TEKTL1: variants seen among roughly 807,000 people sequenced by gnomAD.
TEKTL1 encodes tektin-like protein 1.
At chr19:15,020,535 G>A in the TEKTL1 span, 12 of 1,613,982 alleles carry the variant, frequency 7.4e-6, no homozygotes, top group Non-Finnish European at 1.0e-5. Context: ...TCATGAACCA[G>A]CCTCTGGACA....
the TEKTL1 span, chr19:15,020,739 C>T: frequency 8.1e-7 from 1 of 1,232,874 alleles, no homozygotes; most frequent in South Asian, 1.4e-5. Context: ...GCCCACTTAG[C>T]TGTCCCTTTC....
the TEKTL1 span, chr19:15,011,171 A>G: frequency 5.3e-6 from 8 of 1,500,528 alleles, no homozygotes; most frequent in South Asian, 9.2e-5. Flanking sequence ...CTTGCACCGC[A>G]AAGCGCGCGC....
At chr19:15,018,864 G>A in the TEKTL1 span, among the ~76,000 whole-genome samples, 3 of 150,762 alleles carry the variant, frequency 2.0e-5, no homozygotes, top group Non-Finnish European at 3.0e-5. Context: ...TAAAAGCCAC[G>A]TTTGCAGGAA....
chr19:15,022,801 C>T, the TEKTL1 span: 13 of 1,459,436 alleles, frequency 8.9e-6, no homozygotes, highest in African/African-American at 2.8e-5. Flanking sequence ...ACACACCTGG[C>T]GCAGGTGTGC....
chr19:15,018,360 A>G, the TEKTL1 span, among the ~76,000 whole-genome samples: 1 of 152,082 alleles, frequency 6.6e-6, no homozygotes, highest in African/African-American at 2.4e-5. Flanking sequence ...TTACCTGATT[A>G]TTATGCACAG....
the TEKTL1 span, chr19:15,010,731 A>C: frequency 4.5e-4 from 607 of 1,352,232 alleles, 3 homozygotes; most frequent in African/African-American, 8.2e-3. Context: ...CTCTCAGTAC[A>C]CTGTCTCTAC....
At chr19:15,021,537 G>C in the TEKTL1 span, 1 of 1,613,450 alleles carries the variant, frequency 6.2e-7, no homozygotes, top group Admixed American at 1.7e-5. Context: ...CATTACCTGC[G>C]GCTGCGGGCC....
the TEKTL1 span, among the ~76,000 whole-genome samples, chr19:15,015,689 C>A: frequency 2.0e-5 from 3 of 151,312 alleles, no homozygotes; most frequent in Non-Finnish European, 4.4e-5. Flanking sequence ...GAAGACAGAG[C>A]AAGATTCTAT....
chr19:15,018,715 A>AATATATATATATATATAT, the TEKTL1 span, among the ~76,000 whole-genome samples: 493 of 68,254 alleles, frequency 7.2e-3, 76 homozygotes, highest in East Asian at 0.023. Flanking sequence ...CCTATCTCAA[A>AATATATATATATATATAT]ATATGTATAT....
At chr19:15,021,986 C>T in the TEKTL1 span, 1 of 1,241,540 alleles carries the variant, frequency 8.1e-7, no homozygotes, top group South Asian at 1.3e-5. Flanking sequence ...TCCTCAAGCA[C>T]ATCTGGACCA....
chr19:15,020,788 C>A, the TEKTL1 span: 2 of 751,430 alleles, frequency 2.7e-6, no homozygotes, highest in Non-Finnish European at 4.3e-6. Context: ...GGACTGAAAG[C>A]CTATCATGCT....
chr19:15,011,932 T>C, the TEKTL1 span, among the ~76,000 whole-genome samples: 3 of 152,040 alleles, frequency 2.0e-5, no homozygotes, highest in African/African-American at 7.2e-5. Context: ...CCAGCCTGGG[T>C]GACAGGTGAG....
chr19:15,012,090 T>C, the TEKTL1 span, among the ~76,000 whole-genome samples: 1 of 145,878 alleles, frequency 6.9e-6, no homozygotes, highest in Admixed American at 6.8e-5. Flanking sequence ...ACCCCGTCTC[T>C]ACAAAAAAAA....
the TEKTL1 span, chr19:15,021,230 T>C: frequency 6.9e-6 from 9 of 1,305,362 alleles, no homozygotes; most frequent in Non-Finnish European, 9.3e-6. Flanking sequence ...CCCTGGACTT[T>C]CACCCAGTTC....
chr19:15,022,734 T>TTCC, the TEKTL1 span: 1 of 892,962 alleles, frequency 1.1e-6, no homozygotes, highest in South Asian at 1.9e-5. Context: ...TTTTTTTTTT[T>TTCC]CCAGGCACAC....
At chr19:15,011,753 T>A in the TEKTL1 span, among the ~76,000 whole-genome samples, 14,882 of 111,910 alleles carry the variant, frequency 0.13, 926 homozygotes, top group South Asian at 0.27. Flanking sequence ...AAAAAAAAAA[T>A]ATTTCCATAG....
the TEKTL1 span, chr19:15,021,385 T>G: frequency 6.2e-7 from 1 of 1,614,074 alleles, no homozygotes; most frequent in Non-Finnish European, 8.5e-7. Flanking sequence ...AGCCAAGCGG[T>G]TGTTGGTCGA....
chr19:15,023,069 TG>T, the TEKTL1 span: 1 of 1,610,212 alleles, frequency 6.2e-7, no homozygotes, highest in Non-Finnish European at 8.5e-7. Flanking sequence ...GGTTAAGGAC[TG>T]GGACCCGCGC....
the TEKTL1 span, among the ~76,000 whole-genome samples, chr19:15,022,184 G>A: frequency 1.3e-5 from 2 of 152,090 alleles, no homozygotes; most frequent in Admixed American, 1.3e-4. Context: ...TCTGGCCTTA[G>A]TCTCTCTAAC....
Sources: allele counts gnomAD v4.1 joint callset (sites outside exome capture counted in the v4.1 genomes callset), GRCh38; gene constraint gnomAD v4.1.1; transcripts MANE v1.5; gene names NCBI Gene and HGNC (gene_info 2026-07-23, HGNC 2026-07-21).